Variants in CPED1 observed in about 807,000 individuals in gnomAD.
CPED1 encodes the protein cadherin like and PC-esterase domain containing 1.
CPED1 carries 114 observed loss-of-function variants against 128.2 expected under a neutral mutation model. The ratio of observed to expected loss-of-function variants is 0.89; its 90% CI spans 0.76 to 1.04. The LOEUF is 1.04. Ranked by LOEUF, CPED1 falls within the 50% of genes least tolerant of loss-of-function variation. CPED1 has a pLI of 0.00. For synonymous variants in CPED1, 462 were observed against 426.7 expected (o/e 1.08, Z -1.02); for missense variants, 1,211 against 1,207.1 (o/e 1.00, Z -0.05).
chr7:121,002,120 C>G (rs771776497), intron 2 of CPED1, among the ~76,000 whole-genome samples: 2 of 152,066 alleles, frequency 1.3e-5, no homozygotes, highest in Non-Finnish European at 2.9e-5. Context: ...CACTAGGAGT[C>G]CAAAATTGTG....
chr7:121,160,507 A>AT (rs750163389), intron 16 of CPED1, among the ~76,000 whole-genome samples: 60 of 152,326 alleles, frequency 3.9e-4, no homozygotes, highest in Middle Eastern at 3.4e-3. Flanking sequence ...CTCTTAAGGT[A>AT]ATCACCTGTG....
At chr7:121,227,675 A>G (rs956715275) in intron 16 of CPED1, among the ~76,000 whole-genome samples, 1 of 152,124 alleles carries the variant, frequency 6.6e-6, no homozygotes, top group Non-Finnish European at 1.5e-5. Context: ...CCTACCTCTC[A>G]GTAATTTAGC....
Position 121,108,545 on chromosome 7 carries a change from G to T in CPED1, c.918+8451G>T, listed in dbSNP as rs538646211. ...TTCTATGGAAAAGTTAAGCCTATTA[G>T]TCATAAACTTGTGAGTATACATTTA... On this transcript the variant is annotated intron_variant, in intron 7 of 22. Coordinates refer to ENST00000310396, the MANE Select transcript of CPED1 (RefSeq NM_024913.5). Among the ~76,000 whole-genome samples, 8 of 152,014 alleles carry T rather than the reference G, an allele frequency of 5.3e-5. No individual in the cohort carries two copies. The South Asian group carries it at 1.5e-3, about 28-fold the overall frequency.
intron 2 of CPED1, among the ~76,000 whole-genome samples, chr7:121,009,016 T>A (rs1792095928): frequency 6.6e-6 from 1 of 152,124 alleles, no homozygotes; most frequent in Admixed American, 6.5e-5. Context: ...GAGATCTCCC[T>A]CAGGTCCCTT....
At chr7:120,990,694 A>G (rs1375872511) in intron 2 of CPED1, among the ~76,000 whole-genome samples, 3 of 152,220 alleles carry the variant, frequency 2.0e-5, no homozygotes, top group Non-Finnish European at 2.9e-5. Context: ...ACTAAATTTT[A>G]TGTTACAACA....
Position 121,083,904 on chromosome 7 carries a change from A to C in CPED1, c.617-13795A>C, listed in dbSNP as rs1201401218. On this transcript the variant is annotated intron_variant, in intron 5 of 22. Coordinates refer to ENST00000310396, the MANE Select transcript of CPED1 (RefSeq NM_024913.5). ...CTAAGAGGACAGAATGAGTTAATAC[A>C]TTTCAAGTACTTGGAACAATGCACA... 3.3e-5 allele frequency: 5 copies of C among 152,178 alleles called. 1 individual carries two copies. The highest frequency in any genetic ancestry group is 1.2e-4 in the African/African-American group (5 of 41,436). The allele number at this position is 152,178 out of a possible 1,614,324, so 9.4% of individuals were successfully genotyped here. A position where few individuals can be genotyped will look rare whatever the true frequency, so the allele number is the denominator to read the frequency against.
intron 16 of CPED1, among the ~76,000 whole-genome samples, chr7:121,176,997 C>A (rs1796798011): frequency 6.6e-6 from 1 of 151,952 alleles, no homozygotes; most frequent in Non-Finnish European, 1.5e-5. Flanking sequence ...AATTTGACTG[C>A]CTAGGAAGTA....
intron 16 of CPED1, among the ~76,000 whole-genome samples, chr7:121,231,435 G>A (rs1472749089): frequency 2.0e-5 from 3 of 152,116 alleles, no homozygotes; most frequent in Non-Finnish European, 4.4e-5. Flanking sequence ...AAATGAGGGA[G>A]CTTAAGGAGA....
intron 4 of CPED1, among the ~76,000 whole-genome samples, chr7:121,048,900 C>T (rs1289911327): frequency 6.6e-6 from 1 of 152,218 alleles, no homozygotes; most frequent in Non-Finnish European, 1.5e-5. Context: ...TTATTCTGGT[C>T]AGATAATCAT....
chr7:121,186,280 C>G (rs965063850), intron 16 of CPED1, among the ~76,000 whole-genome samples: 7 of 152,110 alleles, frequency 4.6e-5, no homozygotes, highest in African/African-American at 1.7e-4. Flanking sequence ...TTGCAAATTA[C>G]CTAAACATTG....
At chr7:120,995,866 T>C (rs1227903937) in intron 2 of CPED1, among the ~76,000 whole-genome samples, 4 of 151,714 alleles carry the variant, frequency 2.6e-5, no homozygotes, top group Non-Finnish European at 5.9e-5. Context: ...TTTTTTATTC[T>C]TCTTCCTCTT....
intron 16 of CPED1, among the ~76,000 whole-genome samples, chr7:121,176,275 C>G (rs34275932): frequency 0.37 from 54,792 of 149,534 alleles, 10,427 homozygotes; most frequent in Middle Eastern, 0.51. Flanking sequence ...TAATAAGCCT[C>G]CTATAATTGA....
chr7:121,055,512 G>A (rs1793472207), intron 4 of CPED1, among the ~76,000 whole-genome samples: 1 of 151,328 alleles, frequency 6.6e-6, no homozygotes, highest in African/African-American at 2.4e-5. Flanking sequence ...CACTAAATGT[G>A]GGTATATTAC....
intron 10 of CPED1, 56 bp from the exon 11 acceptor site, chr7:121,128,326 T>C (rs931915959): frequency 2.1e-6 from 2 of 945,800 alleles, no homozygotes; most frequent in African/African-American, 3.2e-5. Context: ...GTAATTGGGT[T>C]GAACATGGTT....
chr7:121,147,983 A>G (rs1796064960), intron 16 of CPED1, among the ~76,000 whole-genome samples: 2 of 152,140 alleles, frequency 1.3e-5, no homozygotes, highest in Admixed American at 1.3e-4. Context: ...TTCCAACACC[A>G]TAGAGGGCTA....
chr7:121,170,454 T>A (rs943427226), intron 16 of CPED1, among the ~76,000 whole-genome samples: 1 of 152,160 alleles, frequency 6.6e-6, no homozygotes, highest in Non-Finnish European at 1.5e-5. Context: ...CAAATTTTAC[T>A]TGTTAACTTA....
chr7:121,145,667 A>T (rs1796008437), intron 16 of CPED1, among the ~76,000 whole-genome samples: 1 of 152,126 alleles, frequency 6.6e-6, no homozygotes, highest in Non-Finnish European at 1.5e-5. Context: ...TCTAACCCAT[A>T]GACTTTTCTA....
chr7:121,046,664 A>G (rs1793207733), intron 3 of CPED1, among the ~76,000 whole-genome samples: 1 of 151,960 alleles, frequency 6.6e-6, no homozygotes, highest in African/African-American at 2.4e-5. Flanking sequence ...AGACAATTAC[A>G]TTTTCTATAG....
chr7:121,030,382 AT>A (rs1417941415), intron 3 of CPED1, among the ~76,000 whole-genome samples: 2 of 152,230 alleles, frequency 1.3e-5, no homozygotes, highest in Non-Finnish European at 1.5e-5. Flanking sequence ...GTCCAAAAAT[AT>A]TAAATTGAAA....
Sources: allele counts gnomAD v4.1 joint callset (sites outside exome capture counted in the v4.1 genomes callset), GRCh38; gene constraint gnomAD v4.1.1; transcripts MANE v1.5; gene names NCBI Gene and HGNC (gene_info 2026-07-23, HGNC 2026-07-21).